The following FZD6 variants were observed in gnomAD, a reference collection of about 807,000 sequenced individuals.
The protein encoded by FZD6 is frizzled class receptor 6, also known as frizzled-6.
FZD6 carries 49 observed loss-of-function variants against 61.4 expected under a neutral mutation model. That is an observed-to-expected ratio of 0.80 (90% CI 0.63 to 1.01). The LOEUF is 1.01. FZD6 is among the 50% of genes least tolerant of loss of function. The pLI is 0.00. For missense variants in FZD6, 724 were observed against 848.2 expected, an observed-to-expected ratio of 0.85 and a Z score of 1.82; for synonymous variants, 265 against 292.2, an observed-to-expected ratio of 0.91 and a Z score of 0.95.
chr8:103,317,516 A>C lies in FZD6; in HGVS notation c.178-1074A>C, dbSNP rs1814660753. On this transcript the variant is annotated intron_variant, in intron 2 of 6. Transcript: ENST00000358755. Reference sequence around the variant, plus strand: ...TAATAGTGGCTTAGACTGGGTGGTAATAGTGAGAAATGGTCAGATTTGGAA... The same window carrying C: ...TAATAGTGGCTTAGACTGGGTGGTACTAGTGAGAAATGGTCAGATTTGGAA... Among the ~76,000 whole-genome samples the C allele has an allele frequency of 2.0e-5, 3 of 152,162 alleles. No individual in the cohort carries two copies. In the South Asian group the frequency reaches 6.2e-4, roughly 31 times the overall value.
intron 2 of FZD6, among the ~76,000 whole-genome samples, chr8:103,318,035 G>A (rs1311306113): frequency 6.6e-6 from 1 of 151,922 alleles, no homozygotes; most frequent in East Asian, 1.9e-4. Context: ...AGTTGTCCCG[G>A]AGCAGATGCT....
chr8:103,315,607 C>G (rs1389578981), intron 2 of FZD6, among the ~76,000 whole-genome samples: 1 of 152,032 alleles, frequency 6.6e-6, no homozygotes, highest in Admixed American at 6.5e-5. Flanking sequence ...GTGAGAGTTA[C>G]TGAGGGGGTG....
intron 3 of FZD6, among the ~76,000 whole-genome samples, chr8:103,323,341 G>GTT (rs1554622818): frequency 6.6e-6 from 1 of 151,570 alleles, no homozygotes; most frequent in Non-Finnish European, 1.5e-5. Context: ...AAAGCTGGTA[G>GTT]TTTTTTTTGT....
In FZD6 at chr8:103,328,257, AT is replaced by A; in HGVS notation, c.1393-5del. 6.3e-7 allele frequency: 1 copy of A among 1,599,844 alleles called. No homozygotes were observed. The highest frequency in any genetic ancestry group is 8.6e-7 in the Non-Finnish European group (1 of 1,167,178). On this transcript the variant is annotated splice_polypyrimidine_tract_variant and intron_variant, in intron 4 of 6. Coordinates refer to ENST00000358755, the MANE Select transcript of FZD6 (RefSeq NM_003506.4). ...ATCACTGAAAATATTATTATTCACTATTTTTTGTAGGCAAAAGCAAAAGCTC... is the reference window on the plus strand; with the variant it reads ...ATCACTGAAAATATTATTATTCACTATTTTTGTAGGCAAAAGCAAAAGCTC...
At chr8:103,320,514 A>T (rs1814754370) in intron 3 of FZD6, among the ~76,000 whole-genome samples, 1 of 152,220 alleles carries the variant, frequency 6.6e-6, no homozygotes, top group Non-Finnish European at 1.5e-5. Flanking sequence ...ATGAAAGTCT[A>T]AATAGATGGG....
intron 5 of FZD6, among the ~76,000 whole-genome samples, chr8:103,329,285 A>T (rs553058761): frequency 1.3e-5 from 2 of 151,550 alleles, no homozygotes; most frequent in South Asian, 4.1e-4. Flanking sequence ...ACCGTTAATT[A>T]TATTCTCTAT....
intron 4 of FZD6, among the ~76,000 whole-genome samples, chr8:103,326,467 TG>T (rs901912576): frequency 4.6e-5 from 7 of 152,188 alleles, no homozygotes; most frequent in Non-Finnish European, 1.0e-4. Flanking sequence ...TTGGCAAGGT[TG>T]GGGAGAGGAA....
chr8:103,301,468 T>C (rs1814169338), intron 2 of FZD6, among the ~76,000 whole-genome samples: 1 of 152,218 alleles, frequency 6.6e-6, no homozygotes, highest in Admixed American at 6.5e-5. Context: ...TCATTCACTT[T>C]TTTGCTGATG....
chr8:103,326,805 T>A (rs116746722), intron 4 of FZD6, among the ~76,000 whole-genome samples: 2,064 of 151,714 alleles, frequency 0.014, 54 homozygotes, highest in African/African-American at 0.047. Flanking sequence ...TATAAAGAGT[T>A]GCTACAGATC....
intron 3 of FZD6, among the ~76,000 whole-genome samples, chr8:103,320,089 G>A (rs1814739838): frequency 1.7e-5 from 1 of 58,622 alleles, no homozygotes; most frequent in Non-Finnish European, 3.1e-5. Context: ...GGAAAGGATA[G>A]GATGGCTGTG....
chr8:103,325,139 A>C lies in FZD6; in HGVS notation c.1033A>C (p.Met345Leu), dbSNP rs3808553. The change falls in exon 4 of 7, where the codon ATG (methionine) becomes CTG (leucine). Residue 345 changes from methionine to leucine, a missense_variant. By Grantham distance (15) the Met-to-Leu change is conservative. Transcript: ENST00000358755. ...PGFLTVMLLAMNKVEGDNISG... is the reference protein window; with the variant it reads ...PGFLTVMLLALNKVEGDNISG... Reference sequence around the variant, plus strand: ...TTTCCTGACTGTTATGCTTCTTGCTATGAACAAAGTTGAAGGAGACAACAT... The same window carrying C: ...TTTCCTGACTGTTATGCTTCTTGCTCTGAACAAAGTTGAAGGAGACAACAT... 745,551 of 1,613,692 alleles carry C rather than the reference A, an allele frequency of 0.46. 175,358 individuals carry two copies. The highest frequency in any genetic ancestry group is 0.62 in the East Asian group (27,799 of 44,866).
At chr8:103,305,869 G>A (rs1814315805) in intron 2 of FZD6, among the ~76,000 whole-genome samples, 1 of 152,192 alleles carries the variant, frequency 6.6e-6, no homozygotes, top group Non-Finnish European at 1.5e-5. Context: ...AAGGTTCCTA[G>A]TCCATTCCTT....
chr8:103,324,308 A>C (rs2130327205), intron 3 of FZD6, among the ~76,000 whole-genome samples, 173 bp from the exon 4 acceptor site: 1 of 152,354 alleles, frequency 6.6e-6, no homozygotes, highest in Non-Finnish European at 1.5e-5. Context: ...ACAAGTTTTT[A>C]GTCAACTTCA....
intron 5 of FZD6, 41 bp downstream of exon 5, chr8:103,328,457 A>C: frequency 1.5e-6 from 2 of 1,337,244 alleles, no homozygotes; most frequent in Non-Finnish European, 2.2e-6. Context: ...TTTTAAATAA[A>C]TAGATCAAAA....
chr8:103,309,595 C>T (rs896630058), intron 2 of FZD6, among the ~76,000 whole-genome samples: 2 of 152,004 alleles, frequency 1.3e-5, no homozygotes, highest in African/African-American at 2.4e-5. Context: ...TTTGTTTGGC[C>T]CCTACCATAA....
At chr8:103,317,293 G>C (rs1417154736) in intron 2 of FZD6, among the ~76,000 whole-genome samples, 5 of 152,230 alleles carry the variant, frequency 3.3e-5, no homozygotes, top group Non-Finnish European at 2.9e-5. Context: ...TGAAACTGGA[G>C]ACATAGCGGG....
At chr8:103,301,009 T>G (rs964730027) in intron 2 of FZD6, among the ~76,000 whole-genome samples, 3 of 152,140 alleles carry the variant, frequency 2.0e-5, no homozygotes, top group Non-Finnish European at 2.9e-5. Context: ...TTGTTAAGTC[T>G]CCTGAAGGAA....
At position 103,325,209 on chromosome 8, in the gene FZD6, G is replaced by A. The variant is rs375068426; in HGVS notation, c.1103G>A (p.Arg368His). The A allele has an allele frequency of 1.9e-5, 30 of 1,614,100 alleles. No individual in the cohort carries two copies. The highest frequency in any genetic ancestry group is 4.4e-5 in the South Asian group (4 of 91,074). The change falls in exon 4 of 7, where the codon CGC becomes CAC. Residue 368 changes from arginine (R) to histidine (H), a missense_variant. Physicochemically the swap from Arg to His is conservative, Grantham distance 29. Coordinates refer to ENST00000358755, the MANE Select transcript of FZD6 (RefSeq NM_003506.4). ...FVGLYDLDAS[R>H]YFVLLPLCLC... The stretch of plus-strand genomic sequence containing the variant: ...GGCCTTTATGACCTGGATGCTTCTC[G>A]CTACTTTGTACTCTTGCCACTGTGC...
chr8:103,325,846 TTTAG>T (rs976671096), intron 4 of FZD6, among the ~76,000 whole-genome samples: 2 of 152,132 alleles, frequency 1.3e-5, no homozygotes, highest in Admixed American at 6.5e-5. Flanking sequence ...TTTTTAATTT[TTTAG>T]TTAGTAGTAA....
Sources: gnomAD v4.1 joint callset for allele counts (sites outside exome capture counted in the v4.1 genomes callset) on GRCh38, gnomAD v4.1.1 for gene constraint, MANE v1.5 for transcripts, NCBI Gene and HGNC (gene_info 2026-07-23, HGNC 2026-07-21) for gene names.